RP1: variants seen among roughly 807,000 people sequenced by gnomAD.
The protein encoded by RP1 is oxygen-regulated protein 1.
A neutral mutation model predicts 14.8 loss-of-function variants in RP1; 16 were observed. The ratio of observed to expected loss-of-function variants is 1.08; its 90% CI spans 0.73 to 1.65. The LOEUF is 1.65. Among genes scored for constraint, RP1 ranks in the 40% most tolerant of loss-of-function variants. RP1 has a pLI of 0.00. For synonymous variants in RP1, 876 were observed against 883.6 expected (o/e 0.99, Z 0.15); for missense variants, 2,631 against 2,535.0 (o/e 1.04, Z -0.81).
chr8:54,748,623 G>T (rs1001040858), intron 19 of RP1, among the ~76,000 whole-genome samples: 1 of 152,190 alleles, frequency 6.6e-6, no homozygotes, highest in Non-Finnish European at 1.5e-5. Context: ...CACTTAAAAT[G>T]TTCCGTATGA....
chr8:54,839,443 T>A (rs1034470724), intron 25 of RP1, among the ~76,000 whole-genome samples: 9 of 152,242 alleles, frequency 5.9e-5, no homozygotes, highest in Admixed American at 2.0e-4. Flanking sequence ...GAAATCCTGA[T>A]GATTCGGATA....
At chr8:54,810,251 T>C (rs1423700668) in intron 24 of RP1, among the ~76,000 whole-genome samples, 2 of 152,190 alleles carry the variant, frequency 1.3e-5, no homozygotes. Flanking sequence ...GCAATCAGCC[T>C]GAGAAGATGA....
intron 3 of RP1, 69 bp downstream of exon 3, chr8:54,622,357 A>G: frequency 7.3e-7 from 1 of 1,372,328 alleles, no homozygotes; most frequent in South Asian, 1.2e-5. Flanking sequence ...AGGACGGCAA[A>G]ATCCATGCTT....
intron 1 of RP1, among the ~76,000 whole-genome samples, chr8:54,583,575 G>A (rs992197740): frequency 2.0e-5 from 3 of 152,304 alleles, no homozygotes; most frequent in South Asian, 2.1e-4. Flanking sequence ...AGAAGGAATG[G>A]TACCAGTTCC....
In RP1 at chr8:54,626,018, G is replaced by A. The variant is rs369959325; in HGVS notation, c.2136G>A (p.Met712Ile). 1 of 1,613,820 alleles carries A rather than the reference G, an allele frequency of 6.2e-7. No individual in the cohort carries two copies. Among genetic ancestry groups the A allele is most frequent in the Non-Finnish European group, 8.5e-7 (1 of 1,179,938 alleles). Residue 712 changes from methionine to isoleucine, a missense_variant, in exon 4 of 4, where the codon ATG (methionine) becomes ATA (isoleucine). By Grantham distance (10) the Met-to-Ile change is conservative. Coordinates refer to ENST00000220676, the MANE Select transcript of RP1 (RefSeq NM_006269.2). ...CAAAAGGTAGAATTACAAAGGAAAT[G>A]ATAGTGCAAGATTCAGATAGTCCCC... ...INTKGRITKE[M>I]IVQDSDSPLK...
intron 1 of RP1, among the ~76,000 whole-genome samples, chr8:54,599,341 G>A (rs1476449649): frequency 3.3e-5 from 5 of 151,798 alleles, no homozygotes; most frequent in Non-Finnish European, 4.4e-5. Context: ...CTATTATTTC[G>A]TTTGTTTCAA....
At chr8:54,729,141 A>G (rs1191477718) in intron 17 of RP1, among the ~76,000 whole-genome samples, 1 of 152,248 alleles carries the variant, frequency 6.6e-6, no homozygotes, top group Non-Finnish European at 1.5e-5. Context: ...TGATGCTCTG[A>G]ACTGAAATTG....
intron 17 of RP1, among the ~76,000 whole-genome samples, chr8:54,733,342 G>C (rs900771391): frequency 9.2e-5 from 14 of 152,010 alleles, no homozygotes; most frequent in African/African-American, 3.1e-4. Flanking sequence ...TATAATAGGA[G>C]CTTAAAAACA....
At chr8:54,803,005 C>CTT (rs987805245) in intron 24 of RP1, among the ~76,000 whole-genome samples, 1 of 149,640 alleles carries the variant, frequency 6.7e-6, no homozygotes, top group Non-Finnish European at 1.5e-5. Context: ...GGATTCATAG[C>CTT]TTTTTTTTTT....
At chr8:54,776,147 G>A (rs1810033425) in intron 23 of RP1, among the ~76,000 whole-genome samples, 1 of 152,174 alleles carries the variant, frequency 6.6e-6, no homozygotes, top group African/African-American at 2.4e-5. Context: ...ATGTATATGG[G>A]AGGATGTGCA....
intron 3 of RP1, among the ~76,000 whole-genome samples, chr8:54,639,277 G>A (rs1806412704): frequency 6.6e-6 from 1 of 152,066 alleles, no homozygotes; most frequent in Non-Finnish European, 1.5e-5. Flanking sequence ...ATTGCTGAGT[G>A]GTATTTCATT....
At chr8:54,663,542 A>T (rs1806944526) in intron 6 of RP1, among the ~76,000 whole-genome samples, 1 of 152,146 alleles carries the variant, frequency 6.6e-6, no homozygotes, top group African/African-American at 2.4e-5. Flanking sequence ...AATAGGGAAA[A>T]ACATAGTATA....
At chr8:54,606,842 C>T (rs1805458398) in intron 1 of RP1, among the ~76,000 whole-genome samples, 2 of 152,226 alleles carry the variant, frequency 1.3e-5, no homozygotes, top group Non-Finnish European at 2.9e-5. Flanking sequence ...GAATCGGCTA[C>T]TGAGGCTTGT....
intron 1 of RP1, among the ~76,000 whole-genome samples, chr8:54,589,177 C>A (rs1344768689): frequency 6.6e-6 from 1 of 152,200 alleles, no homozygotes; most frequent in Non-Finnish European, 1.5e-5. Flanking sequence ...TCCTCCACCC[C>A]TTCTAACCTC....
At chr8:54,641,505 C>G (rs1806454401) in intron 3 of RP1, among the ~76,000 whole-genome samples, 1 of 152,004 alleles carries the variant, frequency 6.6e-6, no homozygotes, top group African/African-American at 2.4e-5. Context: ...ATTAGCTTCT[C>G]AACTTTTTTT....
chr8:54,725,157 T>G (rs560354650), intron 16 of RP1, among the ~76,000 whole-genome samples: 248 of 152,354 alleles, frequency 1.6e-3, no homozygotes, highest in African/African-American at 5.2e-3. Flanking sequence ...ATAGTTTATC[T>G]CTTTGTAGAT....
At chr8:54,609,554 G>C (rs1356413515) in intron 1 of RP1, among the ~76,000 whole-genome samples, 2 of 152,144 alleles carry the variant, frequency 1.3e-5, no homozygotes, top group South Asian at 4.2e-4. Flanking sequence ...ACCAACAGCA[G>C]GTTCTCAATG....
chr8:54,806,850 A>T (rs1810864391), intron 24 of RP1, among the ~76,000 whole-genome samples: 1 of 152,230 alleles, frequency 6.6e-6, no homozygotes, highest in South Asian at 2.1e-4. Context: ...TCACCCTGAG[A>T]TAATACCATT....
At chr8:54,758,480 A>G (rs1178685652) in intron 21 of RP1, among the ~76,000 whole-genome samples, 1 of 150,280 alleles carries the variant, frequency 6.7e-6, no homozygotes, top group African/African-American at 2.5e-5. Context: ...GAGGGAGGGA[A>G]GGAGGGAGGA....
Sources: gnomAD v4.1 joint callset for allele counts (sites outside exome capture counted in the v4.1 genomes callset) on GRCh38, gnomAD v4.1.1 for gene constraint, MANE v1.5 for transcripts, NCBI Gene and HGNC (gene_info 2026-07-23, HGNC 2026-07-21) for gene names.